Variants in C17orf113 observed in about 807,000 individuals in gnomAD.
C17orf113 encodes the protein chromosome 17 open reading frame 113.
C17orf113 carries 5 observed loss-of-function variants against 11.6 expected under a neutral mutation model. The ratio of observed to expected loss-of-function variants is 0.43; its 90% CI spans 0.23 to 0.91. The LOEUF (loss-of-function observed/expected upper bound fraction) is 0.91, where lower values mean the gene tolerates loss of function less well. Among genes scored for constraint, C17orf113 ranks in the 40% least tolerant of loss-of-function variants. The probability of loss-of-function intolerance (pLI) is 0.26; values close to 1 mark genes in which losing one functional copy is unlikely to be tolerated. For missense variants in C17orf113, 714 were observed against 841.3 expected (o/e 0.85, Z 1.87); for synonymous variants, 327 against 390.6 (o/e 0.84, Z 1.92).
chr17:42,048,253 C>A (rs1555656811), intron 1 of C17orf113, among the ~76,000 whole-genome samples: 1 of 151,710 alleles, frequency 6.6e-6, no homozygotes, highest in East Asian at 1.9e-4. Flanking sequence ...ATATGCCATT[C>A]TTGGCTGGAT....
Position 42,043,289 on chromosome 17 carries a change from C to A in C17orf113, c.88G>T (p.Glu30Ter), listed in dbSNP as rs1598186731. Reference sequence around the variant, plus strand: ...TAGTCAAAGTCCAGCCAGGTAAACTCCTCTTTCCAGTGCTCGTTGAAGTAA... The same window carrying A: ...TAGTCAAAGTCCAGCCAGGTAAACTACTCTTTCCAGTGCTCGTTGAAGTAA... ...KRYFNEHWKEEFTWLDFDYER... is the reference protein window; with the variant it reads ...KRYFNEHWKE The change falls in exon 2 of 3, where the codon GAG (glutamate) becomes TAG (stop). Residue 30 changes from glutamate to a stop codon, truncating the protein, a stop_gained. Transcript: ENST00000587304. LOFTEE classifies it high-confidence loss of function. The A allele has an allele frequency of 8.1e-7, 1 of 1,232,266 alleles. No individual in the cohort carries two copies. Among genetic ancestry groups the A allele is most frequent in the African/African-American group, 1.5e-5 (1 of 64,552 alleles). 76.3% of individuals were successfully genotyped at this position (1,232,266 alleles called of 1,614,324 possible). A position where few individuals can be genotyped will look rare whatever the true frequency, so the allele number is the denominator to read the frequency against.
intron 2 of C17orf113, among the ~76,000 whole-genome samples, chr17:42,042,382 C>T (rs546603321): frequency 1.3e-5 from 2 of 152,218 alleles, no homozygotes; most frequent in South Asian, 2.1e-4. Context: ...ATTAGCTGAG[C>T]GTGGTGGCAC....
At chr17:42,046,985 C>G (rs2053175242) in intron 1 of C17orf113, among the ~76,000 whole-genome samples, 1 of 151,780 alleles carries the variant, frequency 6.6e-6, no homozygotes, top group African/African-American at 2.4e-5. Flanking sequence ...GCCTCAGCCT[C>G]CCAAGTAACT....
intron 1 of C17orf113, among the ~76,000 whole-genome samples, chr17:42,046,180 G>A (rs898806070): frequency 1.3e-5 from 2 of 152,062 alleles, no homozygotes; most frequent in Non-Finnish European, 1.5e-5. Context: ...CAGGGATTCT[G>A]TACATATCTC....
Position 42,038,307 on chromosome 17 carries a change from CT to C in C17orf113, c.*1397del. ...ATTAGGAAAAGGCTAGCCCTCGCCC[CT>C]CTCACTCTCTAACTATCCTCCCTCC... is the stretch of plus-strand genomic sequence containing the variant. On this transcript the variant is annotated 3_prime_UTR_variant, in exon 3 of 3. Coordinates refer to ENST00000587304, the MANE Select transcript of C17orf113 (RefSeq NM_001358661.2). 1 of 495,380 alleles carries C rather than the reference CT, an allele frequency of 2.0e-6. No individual in the cohort carries two copies. Among genetic ancestry groups the C allele is most frequent in the South Asian group, 2.7e-5 (1 of 37,584 alleles). The allele number at this position is 495,380 out of a possible 1,614,324, so 30.7% of individuals were successfully genotyped here.
In C17orf113 at chr17:42,040,126, T is replaced by G. The variant is rs2052978060; in HGVS notation, c.1607A>C (p.His536Pro). 1.6e-6 allele frequency: 2 copies of G among 1,231,400 alleles called. No homozygotes were observed. Among genetic ancestry groups the G allele is most frequent in the Non-Finnish European group, 2.0e-6 (2 of 987,720 alleles). 76.3% of individuals were successfully genotyped at this position (1,231,400 alleles called of 1,614,324 possible). Residue 536 changes from histidine to proline, a missense_variant, in exon 3 of 3, where the codon CAT (histidine) becomes CCT (proline). Physicochemically the swap from His to Pro is moderately conservative, Grantham distance 77. Coordinates refer to ENST00000587304, the MANE Select transcript of C17orf113 (RefSeq NM_001358661.2). ...YPQAPEELGT[H>P]GEGALRVLLR... is the part of the protein sequence containing the mutation. ...CAGCACCCGCAGCGCCCCCTCGCCA[T>G]GCGTGCCCAGCTCCTCCGGCGCCTG...
intron 1 of C17orf113, among the ~76,000 whole-genome samples, chr17:42,045,613 G>A (rs1199426251): frequency 3.9e-5 from 6 of 152,324 alleles, no homozygotes; most frequent in African/African-American, 1.4e-4. Flanking sequence ...TGACCCCAAA[G>A]GCTGTACTGA....
chr17:42,040,480 A>G lies in C17orf113; in HGVS notation c.1253T>C (p.Leu418Pro). Residue 418 changes from leucine to proline, a missense_variant, in exon 3 of 3, where the codon CTG becomes CCG. Transcript: ENST00000587304. ...GGCCAAGTCCGGCTCTTCTGCCTGC[A>G]GGACAAGGGAGAGCTTCTGCACAGA... ...LPSVQKLSLV[L>P]QAEEPDLALL... 2 of 1,232,254 alleles carry G rather than the reference A, an allele frequency of 1.6e-6. No individual in the cohort carries two copies. The highest frequency in any genetic ancestry group is 1.0e-6 in the Non-Finnish European group (1 of 988,030). 76.3% of individuals were successfully genotyped at this position (1,232,254 alleles called of 1,614,324 possible). A position where few individuals can be genotyped will look rare whatever the true frequency, so the allele number is the denominator to read the frequency against.
rs1315609723 is a variant in C17orf113, at chr17:42,042,805, C to T, written c.543+29G>A. ...GCTCAGTGTCCTCCCTTCCCAAGCC[C>T]TTCCCCCATACTTCTGGCTGTCACC... is the stretch of plus-strand genomic sequence containing the variant. On this transcript the variant is annotated intron_variant, in intron 2 of 2. Transcript: ENST00000587304. The T allele has an allele frequency of 1.7e-5, 21 of 1,231,668 alleles. No homozygotes were observed. The South Asian group carries it at 7.5e-4, about 44-fold the overall frequency. 76.3% of individuals were successfully genotyped at this position (1,231,668 alleles called of 1,614,324 possible).
At chr17:42,046,537 C>A (rs1555656636) in intron 1 of C17orf113, among the ~76,000 whole-genome samples, 2 of 151,984 alleles carry the variant, frequency 1.3e-5, no homozygotes, top group African/African-American at 4.8e-5. Context: ...GAGTTCAAGG[C>A]TATAGTGAGC....
Position 42,040,079 on chromosome 17 carries a change from C to CGGCA in C17orf113, c.1650_1653dup (p.Val552CysfsTer15). 2 of 1,231,276 alleles carry CGGCA rather than the reference C, an allele frequency of 1.6e-6. No individual in the cohort carries two copies. Among genetic ancestry groups the CGGCA allele is most frequent in the Admixed American group, 8.4e-5 (2 of 23,708 alleles). 76.3% of individuals were successfully genotyped at this position (1,231,276 alleles called of 1,614,324 possible). A position where few individuals can be genotyped will look rare whatever the true frequency, so the allele number is the denominator to read the frequency against. Reference sequence around the variant, plus strand: ...TCGCCCAGCGCCCGCTGGCGCACCACGGCAGGAGCAAAGCCGCGCAGCAGC... The same window carrying CGGCA: ...TCGCCCAGCGCCCGCTGGCGCACCACGGCAGGCAGGAGCAAAGCCGCGCAGCAGC... On this transcript the variant is annotated frameshift_variant, in exon 3 of 3. Coordinates refer to ENST00000587304, the MANE Select transcript of C17orf113 (RefSeq NM_001358661.2). LOFTEE classifies it low-confidence loss of function (END_TRUNC).
chr17:42,040,306 A>C lies in C17orf113; in HGVS notation c.1427T>G (p.Leu476Arg), dbSNP rs2052985239. 1 of 1,231,606 alleles carries C rather than the reference A, an allele frequency of 8.1e-7. No homozygotes were observed. The allele number at this position is 1,231,606 out of a possible 1,614,324, so 76.3% of individuals were successfully genotyped here. Residue 476 changes from leucine (L) to arginine (R), a missense_variant, in exon 3 of 3, where the codon CTG becomes CGG. Leu to Arg is a moderately radical substitution (Grantham distance 102). Coordinates refer to ENST00000587304, the MANE Select transcript of C17orf113 (RefSeq NM_001358661.2). ...SGRCTYRGVELLGYSEAAVRG... is the reference protein window; with the variant it reads ...SGRCTYRGVERLGYSEAAVRG... The stretch of plus-strand genomic sequence containing the variant: ...GACCGCAGCCTCGGAGTAACCGAGC[A>C]GCTCCACGCCGCGGTAGGTGCAGCG...
Position 42,050,575 on chromosome 17 carries a change from AT to A in C17orf113, c.-207del, listed in dbSNP as rs1265752810. The A allele has an allele frequency of 1.3e-5, 2 of 151,624 alleles. No homozygotes were observed. The highest frequency in any genetic ancestry group is 2.4e-5 in the African/African-American group (1 of 41,318). The allele number at this position is 151,624 out of a possible 1,614,324, so 9.4% of individuals were successfully genotyped here. On this transcript the variant is annotated 5_prime_UTR_variant, in exon 1 of 3. It removes an upstream start codon present in the reference 5' UTR. Coordinates refer to ENST00000587304, the MANE Select transcript of C17orf113 (RefSeq NM_001358661.2). This position sits in a 1 kb window ranked among gnomAD's most constrained non-coding sequence, Gnocchi z 5.6. ...CACTCACGGAGACACAGGAGCCACC[AT>A]CTTGGGCGGTGGACGCTCTGGCCGC...
chr17:42,039,825 CCCCCGGCCTT>C lies in C17orf113; in HGVS notation c.1898_1907del (p.Glu633GlyfsTer5). 2 of 1,232,222 alleles carry C rather than the reference CCCCCGGCCTT, an allele frequency of 1.6e-6. No individual in the cohort carries two copies. The highest frequency in any genetic ancestry group is 1.0e-6 in the Non-Finnish European group (1 of 988,074). 76.3% of individuals were successfully genotyped at this position (1,232,222 alleles called of 1,614,324 possible). ...CCACTGCGATCTTCACCATGTGGCCCCCCCGGCCTTCCCCGGCCCCACTCTGCCCCCACCA... is the reference window on the plus strand; with the variant it reads ...CCACTGCGATCTTCACCATGTGGCCCCCCCGGCCCCACTCTGCCCCCACCA... On this transcript the variant is annotated frameshift_variant, in exon 3 of 3. Transcript: ENST00000587304. LOFTEE classifies it high-confidence loss of function.
chr17:42,047,293 A>G (rs1475128005), intron 1 of C17orf113, among the ~76,000 whole-genome samples: 1 of 151,884 alleles, frequency 6.6e-6, no homozygotes, highest in Non-Finnish European at 1.5e-5. Context: ...CAGCCTCCCA[A>G]AGTGCTGGGA....
Position 42,040,950 on chromosome 17 carries a change from T to TA in C17orf113, c.782dup (p.Ser262IlefsTer15). ...TGAGCCAGGCCAGCTTGGGTGCAGA[T>TA]ACGCCGAAAGCCTGCAGGATGTCCA... is the stretch of plus-strand genomic sequence containing the variant. On this transcript the variant is annotated frameshift_variant, in exon 3 of 3. Coordinates refer to ENST00000587304, the MANE Select transcript of C17orf113 (RefSeq NM_001358661.2). LOFTEE classifies it low-confidence loss of function (END_TRUNC). The TA allele has an allele frequency of 8.1e-7, 1 of 1,232,226 alleles. No homozygotes were observed. The highest frequency in any genetic ancestry group is 4.1e-5 in the South Asian group (1 of 24,326). The allele number at this position is 1,232,226 out of a possible 1,614,324, so 76.3% of individuals were successfully genotyped here. A position where few individuals can be genotyped will look rare whatever the true frequency, so the allele number is the denominator to read the frequency against.
intron 1 of C17orf113, among the ~76,000 whole-genome samples, chr17:42,048,266 G>A (rs192031151): frequency 6.7e-4 from 102 of 151,924 alleles, no homozygotes; most frequent in Non-Finnish European, 2.4e-4. Flanking sequence ...GGCTGGATGT[G>A]GTGGCTCACA....
rs1598185246 is a variant in C17orf113 at position 42,041,119 on chromosome 17, A to C, written c.614T>G (p.Val205Gly). 8.1e-7 allele frequency: 1 copy of C among 1,232,098 alleles called. No individual in the cohort carries two copies. The highest frequency in any genetic ancestry group is 1.6e-5 in the African/African-American group (1 of 64,416). 76.3% of individuals were successfully genotyped at this position (1,232,098 alleles called of 1,614,324 possible). ...RLKASPYVGL[V>G]LDETRDWPES... ...CGGCCAGTCTCTGGTCTCGTCCAAC[A>C]CCAGCCCCACATATGGGGATGCCTT... The change falls in exon 3 of 3, where the codon GTG becomes GGG. Residue 205 changes from valine (V) to glycine (G), a missense_variant. Val to Gly is a moderately radical substitution (Grantham distance 109). Coordinates refer to ENST00000587304, the MANE Select transcript of C17orf113 (RefSeq NM_001358661.2).
intron 1 of C17orf113, among the ~76,000 whole-genome samples, chr17:42,045,829 A>T (rs1306380714): frequency 6.6e-6 from 1 of 152,066 alleles, no homozygotes; most frequent in Non-Finnish European, 1.5e-5. Context: ...CTTTACTGAT[A>T]TCCCACTGCC....
Sources: allele counts gnomAD v4.1 joint callset (sites outside exome capture counted in the v4.1 genomes callset), GRCh38; gene constraint gnomAD v4.1.1; non-coding constraint Gnocchi (gnomAD v3.1); transcripts MANE v1.5; gene names NCBI Gene and HGNC (gene_info 2026-07-23, HGNC 2026-07-21).